Variants in KIAA1328 observed in about 807,000 individuals in gnomAD.
KIAA1328 encodes the protein protein hinderin.
KIAA1328 carries 52 observed loss-of-function variants against 68.1 expected under a neutral mutation model. That is an observed-to-expected ratio of 0.76 (90% CI 0.61 to 0.96). The LOEUF is 0.96. Among genes scored for constraint, KIAA1328 ranks in the 40% least tolerant of loss-of-function variants. The pLI, the probability that KIAA1328 is intolerant of heterozygous loss-of-function variation, is 0.00. For missense variants in KIAA1328, 641 were observed against 677.6 expected (o/e 0.95, Z 0.60); for synonymous variants, 232 against 239.4 (o/e 0.97, Z 0.28).
At chr18:37,180,096 A>G (rs1386216462) in intron 9 of KIAA1328, among the ~76,000 whole-genome samples, 1 of 145,134 alleles carries the variant, frequency 6.9e-6, no homozygotes, top group Non-Finnish European at 1.5e-5. Flanking sequence ...ACACACACAC[A>G]CACACACACA....
intron 5 of KIAA1328, among the ~76,000 whole-genome samples, chr18:36,912,277 T>TA (rs1272313088): frequency 1.3e-5 from 2 of 152,280 alleles, no homozygotes; most frequent in East Asian, 3.9e-4. Context: ...GCAGGACTGT[T>TA]ACCCTTCTGG....
At chr18:36,959,658 C>T (rs938180449) in intron 6 of KIAA1328, among the ~76,000 whole-genome samples, 2 of 152,036 alleles carry the variant, frequency 1.3e-5, no homozygotes, top group African/African-American at 4.8e-5. Context: ...CTGTGTGGGT[C>T]AGTGGGGAAG....
chr18:36,856,892 A>G (rs1165541090), intron 4 of KIAA1328, among the ~76,000 whole-genome samples: 1 of 152,044 alleles, frequency 6.6e-6, no homozygotes, highest in Admixed American at 6.5e-5. Context: ...GGCTATTTTT[A>G]CAAAGACTTC....
At chr18:37,226,604 A>G (rs1599646760), downstream of KIAA1328, among the ~76,000 whole-genome samples, 1 of 152,054 alleles carries the variant, frequency 6.6e-6, no homozygotes, top group Non-Finnish European at 1.5e-5. Flanking sequence ...AGGTTCATTT[A>G]TGCTGTCACA....
At chr18:36,971,543 C>T (rs1383174521) in intron 6 of KIAA1328, among the ~76,000 whole-genome samples, 1 of 152,078 alleles carries the variant, frequency 6.6e-6, no homozygotes. Context: ...GCAGGAGAAT[C>T]GCTTGAACCC....
intron 5 of KIAA1328, among the ~76,000 whole-genome samples, chr18:36,919,745 A>G (rs2049846271): frequency 6.6e-6 from 1 of 151,864 alleles, no homozygotes; most frequent in East Asian, 1.9e-4. Context: ...TTTATTTTTT[A>G]TTTTTATTGA....
At chr18:37,047,533 T>C (rs1244291200) in intron 6 of KIAA1328, among the ~76,000 whole-genome samples, 1 of 152,180 alleles carries the variant, frequency 6.6e-6, no homozygotes, top group Non-Finnish European at 1.5e-5. Context: ...ACATATTTAT[T>C]TTCATCATCC....
intron 7 of KIAA1328, among the ~76,000 whole-genome samples, chr18:37,124,786 A>C (rs1025059124): frequency 5.3e-5 from 8 of 152,148 alleles, no homozygotes; most frequent in Non-Finnish European, 2.9e-5. Flanking sequence ...TTATCATTCC[A>C]GTCCCCTCGT....
At chr18:37,137,280 C>G (rs2058666698) in intron 7 of KIAA1328, among the ~76,000 whole-genome samples, 1 of 152,110 alleles carries the variant, frequency 6.6e-6, no homozygotes, top group African/African-American at 2.4e-5. Flanking sequence ...CCTCTTACAT[C>G]TTCAGACCCT....
chr18:36,913,088 G>A (rs1292020628), intron 5 of KIAA1328, among the ~76,000 whole-genome samples: 2 of 152,138 alleles, frequency 1.3e-5, no homozygotes, highest in African/African-American at 4.8e-5. Flanking sequence ...TTGTGGCTGA[G>A]CAGTTTCATC....
chr18:36,848,132 G>A (rs2047088527), intron 4 of KIAA1328, among the ~76,000 whole-genome samples: 1 of 151,568 alleles, frequency 6.6e-6, no homozygotes, highest in Non-Finnish European at 1.5e-5. Flanking sequence ...TGGAATTTTG[G>A]ATGAAGTTTA....
intron 5 of KIAA1328, among the ~76,000 whole-genome samples, chr18:36,944,394 C>T (rs892108035): frequency 2.6e-5 from 4 of 151,972 alleles, no homozygotes; most frequent in South Asian, 2.1e-4. Context: ...CTGGCTAACA[C>T]GGTGAAACCC....
intron 6 of KIAA1328, among the ~76,000 whole-genome samples, chr18:36,967,010 A>G (rs1269150229): frequency 6.6e-6 from 1 of 152,220 alleles, no homozygotes; most frequent in Admixed American, 6.5e-5. Flanking sequence ...TTTCAGTTTC[A>G]TAATTTGTTC....
At chr18:37,121,351 C>T (rs191617717) in intron 7 of KIAA1328, among the ~76,000 whole-genome samples, 3 of 152,136 alleles carry the variant, frequency 2.0e-5, no homozygotes, top group East Asian at 3.9e-4. Flanking sequence ...CGATTATATC[C>T]ATTTGGAGAT....
At chr18:36,959,174 C>G in intron 5 of KIAA1328, 134 bp from the exon 6 acceptor site, 1 of 753,444 alleles carries the variant, frequency 1.3e-6, no homozygotes, top group South Asian at 2.3e-5. Flanking sequence ...TATCTGAAGA[C>G]TTTATACTTA....
intron 6 of KIAA1328, among the ~76,000 whole-genome samples, chr18:36,964,440 T>C (rs2051829851): frequency 6.6e-6 from 1 of 152,234 alleles, no homozygotes; most frequent in Admixed American, 6.5e-5. Flanking sequence ...TTGTATTCGT[T>C]ACTCTCTGTG....
chr18:37,121,489 T>C (rs2058270856), intron 7 of KIAA1328, among the ~76,000 whole-genome samples: 2 of 152,100 alleles, frequency 1.3e-5, no homozygotes, highest in Non-Finnish European at 2.9e-5. Context: ...TATCCATCTA[T>C]CGTTACAAAT....
intron 7 of KIAA1328, among the ~76,000 whole-genome samples, chr18:37,152,096 TAAAAAAAAA>T (rs376117913): frequency 1.2e-5 from 1 of 84,712 alleles, no homozygotes; most frequent in Non-Finnish European, 2.5e-5. Flanking sequence ...TGGACCTATG[TAAAAAAAAA>T]AAAAAAAAAA....
intron 4 of KIAA1328, among the ~76,000 whole-genome samples, chr18:36,846,703 T>G (rs915046061): frequency 6.6e-6 from 1 of 151,572 alleles, no homozygotes; most frequent in African/African-American, 2.4e-5. Flanking sequence ...GCACAACATA[T>G]AAATGGCCAC....
Sources: allele counts gnomAD v4.1 joint callset (sites outside exome capture counted in the v4.1 genomes callset), GRCh38; gene constraint gnomAD v4.1.1; transcripts MANE v1.5; gene names NCBI Gene and HGNC (gene_info 2026-07-23, HGNC 2026-07-21).